SLC25A20: variants seen among roughly 807,000 people sequenced by gnomAD.
The protein encoded by SLC25A20 is mitochondrial carnitine/acylcarnitine carrier protein.
In SLC25A20, 29 loss-of-function variants were observed where a neutral mutation model predicts 39.7. The observed-to-expected ratio is 0.73, with a 90% confidence interval of 0.54 to 1.00. The LOEUF is 1.00. Ranked by LOEUF, SLC25A20 falls within the 50% of genes least tolerant of loss-of-function variation. The pLI is 0.00. For synonymous variants in SLC25A20, 103 were observed against 142.2 expected, an observed-to-expected ratio of 0.72 and a Z score of 1.96; for missense variants, 333 against 379.9, an observed-to-expected ratio of 0.88 and a Z score of 1.03.
chr3:48,892,235 A>G (rs1416533958), intron 1 of SLC25A20, among the ~76,000 whole-genome samples, 163 bp from the exon 2 acceptor site: 1 of 152,234 alleles, frequency 6.6e-6, no homozygotes, highest in East Asian at 1.9e-4. Context: ...TCATTTCATT[A>G]GTACTTCATT....
intron 4 of SLC25A20, among the ~76,000 whole-genome samples, chr3:48,863,065 G>A (rs1004620086): frequency 4.6e-5 from 7 of 152,032 alleles, no homozygotes; most frequent in African/African-American, 1.2e-4. Context: ...GGTGGTGGGC[G>A]CCTGTAGTCA....
Position 48,892,073 on chromosome 3 carries a change from C to T in SLC25A20, c.106-1G>A. 1 of 1,613,480 alleles carries T rather than the reference C, an allele frequency of 6.2e-7. No homozygotes were observed. Among genetic ancestry groups the T allele is most frequent in the Non-Finnish European group, 8.5e-7 (1 of 1,179,510 alleles). ...TCGGTGGCTGTGTCTGCAGTCGGACCTGAAAACAGAAGTTAAAATGCAGTC... is the reference window on the plus strand; with the variant it reads ...TCGGTGGCTGTGTCTGCAGTCGGACTTGAAAACAGAAGTTAAAATGCAGTC... On this transcript the variant is annotated splice_acceptor_variant, in intron 1 of 8. Coordinates refer to ENST00000319017, the MANE Select transcript of SLC25A20 (RefSeq NM_000387.6). LOFTEE classifies it high-confidence loss of function.
chr3:48,859,410 A>C, intron 6 of SLC25A20, 145 bp downstream of exon 6: 1 of 863,088 alleles, frequency 1.2e-6, no homozygotes, highest in Non-Finnish European at 2.0e-6. Context: ...CAGAGTAAGA[A>C]GAGCTAGCTG....
intron 4 of SLC25A20, among the ~76,000 whole-genome samples, chr3:48,862,908 G>A (rs2083638070): frequency 6.6e-6 from 1 of 152,116 alleles, no homozygotes; most frequent in African/African-American, 2.4e-5. Context: ...ACAAGTTGAG[G>A]AGGCCGGGTG....
At chr3:48,860,014 A>G (rs1415798393) in intron 5 of SLC25A20, among the ~76,000 whole-genome samples, 1 of 152,194 alleles carries the variant, frequency 6.6e-6, no homozygotes, top group African/African-American at 2.4e-5. Context: ...CTAAAAATAT[A>G]AAAATGGGCC....
intron 4 of SLC25A20, among the ~76,000 whole-genome samples, chr3:48,874,134 A>T (rs2083737860): frequency 6.6e-6 from 1 of 151,446 alleles, no homozygotes; most frequent in African/African-American, 2.4e-5. Context: ...TCTACTAAAA[A>T]TACAAAAATT....
At chr3:48,869,207 C>A (rs2083694031) in intron 4 of SLC25A20, among the ~76,000 whole-genome samples, 1 of 152,056 alleles carries the variant, frequency 6.6e-6, no homozygotes, top group Non-Finnish European at 1.5e-5. Flanking sequence ...TTGTCATATT[C>A]AAAACAAGGA....
At chr3:48,886,886 G>C (rs1575990639) in intron 2 of SLC25A20, among the ~76,000 whole-genome samples, 1 of 152,152 alleles carries the variant, frequency 6.6e-6, no homozygotes, top group Non-Finnish European at 1.5e-5. Context: ...AGGAGAATCA[G>C]GGTGAGGCTG....
At chr3:48,885,836 A>G (rs908447766) in intron 2 of SLC25A20, among the ~76,000 whole-genome samples, 1 of 152,142 alleles carries the variant, frequency 6.6e-6, no homozygotes, top group Non-Finnish European at 1.5e-5. Context: ...AAAACAGAAC[A>G]AAACAATACA....
At position 48,898,817 on chromosome 3, in the gene SLC25A20, T is replaced by C; in HGVS notation, c.-23A>G. On this transcript the variant is annotated 5_prime_UTR_variant, in exon 1 of 9. Transcript: ENST00000319017. The stretch of plus-strand genomic sequence containing the variant: ...CATGGTCAGTCCGTCTGTCACTCCG[T>C]CTGTCAGTTCTCGGGCCGTCCTGGC... The C allele has an allele frequency of 6.5e-7, 1 of 1,549,874 alleles. No homozygotes were observed. Among genetic ancestry groups the C allele is most frequent in the South Asian group, 1.2e-5 (1 of 84,234 alleles).
Position 48,857,921 on chromosome 3 carries a change from TCA to T in SLC25A20, c.844-151_844-150del. On this transcript the variant is annotated intron_variant, in intron 8 of 8. Transcript: ENST00000319017. ...CATCAAGGATGCAAGCTCTACTCTCTCATTTTTAAGAGGAGAAGAAAATTTAT... is the reference window on the plus strand; with the variant it reads ...CATCAAGGATGCAAGCTCTACTCTCTTTTTTAAGAGGAGAAGAAAATTTAT... The T allele has an allele frequency of 1.2e-5, 8 of 653,206 alleles. No homozygotes were observed. In the South Asian group the frequency reaches 1.4e-4, roughly 11 times the overall value. The allele number at this position is 653,206 out of a possible 1,614,324, so 40.5% of individuals were successfully genotyped here.
chr3:48,898,582 G>A, intron 1 of SLC25A20, 108 bp downstream of exon 1: 1 of 984,534 alleles, frequency 1.0e-6, no homozygotes, highest in African/African-American at 1.6e-5. Flanking sequence ...TCTCACGGAA[G>A]CTCACACATG....
At chr3:48,892,746 T>C (rs2083886372) in intron 1 of SLC25A20, among the ~76,000 whole-genome samples, 1 of 152,112 alleles carries the variant, frequency 6.6e-6, no homozygotes. Context: ...AGTCCACAGA[T>C]TCAAATGTTA....
At chr3:48,878,497 C>T (rs1278134179) in intron 4 of SLC25A20, among the ~76,000 whole-genome samples, 2 of 150,216 alleles carry the variant, frequency 1.3e-5, no homozygotes, top group Non-Finnish European at 3.0e-5. Flanking sequence ...CCAAGTCCAG[C>T]TAATTTTAAA....
Position 48,868,092 on chromosome 3 carries a change from A to G in SLC25A20, c.418-5433T>C, listed in dbSNP as rs567251516. 4.8e-4 allele frequency among the ~76,000 whole-genome samples: 73 copies of G among 151,500 alleles called. No individual in the cohort carries two copies. In the Middle Eastern group the frequency reaches 0.014, roughly 28 times the overall value. On this transcript the variant is annotated intron_variant, in intron 4 of 8. Coordinates refer to ENST00000319017, the MANE Select transcript of SLC25A20 (RefSeq NM_000387.6). ...AAAAAAGAAAAGAAAAGAAACAAGC[A>G]GGGCGGCAGCAGGTAGGTACATGGA...
intron 5 of SLC25A20, among the ~76,000 whole-genome samples, chr3:48,860,045 T>G (rs1339435630): frequency 1.3e-5 from 2 of 152,002 alleles, no homozygotes; most frequent in Non-Finnish European, 2.9e-5. Context: ...GCTCATGCCT[T>G]TAATCCCAGC....
intron 8 of SLC25A20, among the ~76,000 whole-genome samples, chr3:48,858,029 A>G (rs2083593908): frequency 6.7e-6 from 1 of 148,330 alleles, no homozygotes; most frequent in African/African-American, 2.5e-5. Context: ...GTGCAATGGT[A>G]CAATCTCGGC....
chr3:48,864,660 G>A (rs1377590079), intron 4 of SLC25A20, among the ~76,000 whole-genome samples: 1 of 151,864 alleles, frequency 6.6e-6, no homozygotes, highest in Non-Finnish European at 1.5e-5. Context: ...GAATGCTGGA[G>A]CCAATTCACA....
At chr3:48,883,598 CAGGA>C (rs1315932822) in intron 3 of SLC25A20, among the ~76,000 whole-genome samples, 3 of 146,994 alleles carry the variant, frequency 2.0e-5, no homozygotes, top group African/African-American at 7.5e-5. Context: ...CCTAGGGGCC[CAGGA>C]AGACCCACCA....
Sources: allele counts gnomAD v4.1 joint callset (sites outside exome capture counted in the v4.1 genomes callset), GRCh38; gene constraint gnomAD v4.1.1; transcripts MANE v1.5; gene names NCBI Gene and HGNC (gene_info 2026-07-23, HGNC 2026-07-21).